Variants in DTNB observed in about 807,000 individuals in gnomAD.
DTNB encodes DTN-B.
Under a neutral mutation model 90.7 loss-of-function variants are expected in DTNB, and 63 were observed. That is an observed-to-expected ratio of 0.69 (90% confidence interval 0.57 to 0.86). The LOEUF is 0.86. Among genes scored for constraint, DTNB ranks in the 40% least tolerant of loss-of-function variants. DTNB has a pLI of 0.00. For missense variants in DTNB, 744 were observed against 807.1 expected, an observed-to-expected ratio of 0.92 and a Z score of 0.95; for synonymous variants, 277 against 286.7, an observed-to-expected ratio of 0.97 and a Z score of 0.34.
At chr2:25,590,398 A>G (rs2063332570) in intron 6 of DTNB, among the ~76,000 whole-genome samples, 1 of 152,162 alleles carries the variant, frequency 6.6e-6, no homozygotes, top group African/African-American at 2.4e-5. Flanking sequence ...GAGCAATAGA[A>G]CAGTTCGGAG....
chr2:25,526,385 ATATATATATAT>A (rs1201942884), intron 9 of DTNB, among the ~76,000 whole-genome samples: 57 of 53,808 alleles, frequency 1.1e-3, no homozygotes, highest in African/African-American at 5.2e-3. Context: ...ATATATATAT[ATATATATATAT>A]TTTTTTTTTT....
chr2:25,411,087 G>A (rs1035503531), intron 16 of DTNB, among the ~76,000 whole-genome samples: 2 of 152,068 alleles, frequency 1.3e-5, no homozygotes, highest in Admixed American at 6.5e-5. Flanking sequence ...AGCTGGGCGC[G>A]GTGGCTCATG....
intron 16 of DTNB, among the ~76,000 whole-genome samples, chr2:25,403,523 TCAGATAGC>T (rs1326123197): frequency 6.6e-6 from 1 of 152,112 alleles, no homozygotes; most frequent in African/African-American, 2.4e-5. Flanking sequence ...TGCTGAACAC[TCAGATAGC>T]ATACTAGAAA....
At chr2:25,497,897 G>A (rs1355286011) in intron 9 of DTNB, among the ~76,000 whole-genome samples, 1 of 152,096 alleles carries the variant, frequency 6.6e-6, no homozygotes, top group African/African-American at 2.4e-5. Flanking sequence ...GGGTGTCCAG[G>A]GAACCTTTCT....
chr2:25,483,471 T>C (rs185584551), intron 9 of DTNB, among the ~76,000 whole-genome samples: 1 of 152,354 alleles, frequency 6.6e-6, no homozygotes, highest in East Asian at 1.9e-4. Flanking sequence ...CTTTGATTAA[T>C]TCTCTACTAG....
chr2:25,458,412 A>G (rs1349119203), intron 10 of DTNB, among the ~76,000 whole-genome samples: 1 of 142,960 alleles, frequency 7.0e-6, no homozygotes, highest in East Asian at 2.0e-4. Flanking sequence ...ATCAACAGTT[A>G]AAAAAAAAAA....
At chr2:25,597,228 G>A (rs576964335) in intron 5 of DTNB, among the ~76,000 whole-genome samples, 1 of 152,094 alleles carries the variant, frequency 6.6e-6, no homozygotes, top group African/African-American at 2.4e-5. Flanking sequence ...CTACTTGGGA[G>A]GCTGGGGTGG....
intron 1 of DTNB, among the ~76,000 whole-genome samples, chr2:25,670,424 T>C (rs1316426763): frequency 6.6e-6 from 1 of 151,720 alleles, no homozygotes; most frequent in Non-Finnish European, 1.5e-5. Context: ...TGAAAATACA[T>C]AGAGAATAGT....
intron 4 of DTNB, among the ~76,000 whole-genome samples, chr2:25,626,788 G>A (rs1177348511): frequency 3.3e-5 from 5 of 152,176 alleles, no homozygotes; most frequent in Non-Finnish European, 5.9e-5. Flanking sequence ...TTTTACAAAT[G>A]TATGAACTCA....
intron 16 of DTNB, among the ~76,000 whole-genome samples, chr2:25,389,857 TGTGTGTGTGTGTG>T: frequency 6.7e-6 from 1 of 149,008 alleles, no homozygotes; most frequent in South Asian, 2.1e-4. Context: ...TGTGTGTGTG[TGTGTGTGTGTGTG>T]TGTGTGTGTG....
At chr2:25,508,049 C>A (rs150170159) in intron 9 of DTNB, among the ~76,000 whole-genome samples, 1 of 152,190 alleles carries the variant, frequency 6.6e-6, no homozygotes, top group African/African-American at 2.4e-5. Flanking sequence ...AAATGGCAAC[C>A]CACTAGACCT....
At chr2:25,421,708 T>A (rs1196596193) in intron 15 of DTNB, among the ~76,000 whole-genome samples, 2 of 152,248 alleles carry the variant, frequency 1.3e-5, no homozygotes, top group Non-Finnish European at 2.9e-5. Flanking sequence ...TTCTTAGAAC[T>A]GTTTCTAAGA....
intron 8 of DTNB, chr2:25,558,431 A>G (rs1375976235): frequency 1.0e-6 from 1 of 984,380 alleles, no homozygotes; most frequent in Non-Finnish European, 1.2e-6. Context: ...AAAAAGATCT[A>G]AAGTTGACAA....
chr2:25,429,337 C>T (rs943615354), intron 14 of DTNB, among the ~76,000 whole-genome samples: 5 of 152,162 alleles, frequency 3.3e-5, no homozygotes, highest in Admixed American at 6.5e-5. Context: ...GCATTTCTAT[C>T]GGCGAGTGCG....
intron 4 of DTNB, among the ~76,000 whole-genome samples, chr2:25,612,033 C>G (rs1423694792): frequency 6.6e-6 from 1 of 152,090 alleles, no homozygotes; most frequent in Non-Finnish European, 1.5e-5. Flanking sequence ...GGGTAGAAAA[C>G]TGTTCCATTC....
At chr2:25,575,522 G>GA (rs534420563) in intron 8 of DTNB, among the ~76,000 whole-genome samples, 2 of 150,152 alleles carry the variant, frequency 1.3e-5, no homozygotes, top group South Asian at 2.1e-4. Flanking sequence ...ACCTATCTAG[G>GA]AAAAAAAAAG....
At chr2:25,530,379 G>C (rs965100666) in intron 9 of DTNB, among the ~76,000 whole-genome samples, 3 of 151,808 alleles carry the variant, frequency 2.0e-5, no homozygotes, top group African/African-American at 7.3e-5. Context: ...GGAGGCTGCA[G>C]TGAGCCGAGA....
intron 1 of DTNB, among the ~76,000 whole-genome samples, chr2:25,668,433 G>A (rs1463632109): frequency 6.6e-6 from 1 of 152,144 alleles, no homozygotes; most frequent in Non-Finnish European, 1.5e-5. Context: ...TGTCTGTACT[G>A]TTGAGTATTT....
At chr2:25,451,405 C>T (rs544809324) in intron 12 of DTNB, 143 bp downstream of exon 12, 3 of 806,724 alleles carry the variant, frequency 3.7e-6, no homozygotes, top group African/African-American at 1.7e-5. Context: ...AGGAAGTTTC[C>T]TTCTACTCTT....
Sources: allele counts gnomAD v4.1 joint callset (sites outside exome capture counted in the v4.1 genomes callset), GRCh38; gene constraint gnomAD v4.1.1; transcripts MANE v1.5; gene names NCBI Gene and HGNC (gene_info 2026-07-23, HGNC 2026-07-21).